The following ANKS1B variants were observed in gnomAD, a reference collection of about 807,000 sequenced individuals.
ANKS1B encodes ankyrin repeat and sterile alpha motif domain-containing protein 1B.
A neutral mutation model predicts 148.3 loss-of-function variants in ANKS1B; 36 were observed. That is an observed-to-expected ratio of 0.24 (90% CI 0.19 to 0.32). ANKS1B has a LOEUF of 0.32. Ranked by LOEUF, ANKS1B falls within the 10% of genes least tolerant of loss-of-function variation. ANKS1B has a pLI of 1.00. For missense variants in ANKS1B, 1,157 were observed against 1,542.6 expected, an observed-to-expected ratio of 0.75 and a Z score of 4.19; for synonymous variants, 542 against 560.8, an observed-to-expected ratio of 0.97 and a Z score of 0.47.
At chr12:98,822,971 T>G (rs2099211360) in intron 19 of ANKS1B, among the ~76,000 whole-genome samples, 1 of 152,246 alleles carries the variant, frequency 6.6e-6, no homozygotes, top group South Asian at 2.1e-4. Context: ...ATACTGGAAT[T>G]TCTAATCCCA....
intron 14 of ANKS1B, among the ~76,000 whole-genome samples, chr12:99,212,425 C>G (rs2083474850): frequency 6.6e-6 from 1 of 152,066 alleles, no homozygotes; most frequent in Non-Finnish European, 1.5e-5. Context: ...TGACTTTCCC[C>G]CTATGCAAAC....
In ANKS1B at chr12:99,464,960, C is replaced by T. The variant is rs186296094; in HGVS notation, c.1439-21151G>A. On this transcript the variant is annotated intron_variant, in intron 10 of 26. Transcript: ENST00000683438. ...CAGAGAACACCACAAAGATACTCCT[C>T]GAGAAGAGCAACTCCAAGACACATA... Among the ~76,000 whole-genome samples, 1,095 of 152,114 alleles carry T rather than the reference C, an allele frequency of 7.2e-3. 11 individuals are homozygous for T. Among genetic ancestry groups the T allele is most frequent in the African/African-American group, 0.025 (1,038 of 41,480 alleles).
At chr12:99,151,373 CA>C (rs1462793556) in intron 15 of ANKS1B, among the ~76,000 whole-genome samples, 1 of 151,856 alleles carries the variant, frequency 6.6e-6, no homozygotes, top group African/African-American at 2.4e-5. Flanking sequence ...ACTAAAATTA[CA>C]AAAATTAGCC....
At chr12:99,161,738 T>C (rs2076679239) in intron 14 of ANKS1B, among the ~76,000 whole-genome samples, 1 of 152,120 alleles carries the variant, frequency 6.6e-6, no homozygotes, top group Non-Finnish European at 1.5e-5. Context: ...TCAAATTTAA[T>C]TGGAGCAGAC....
intron 25 of ANKS1B, among the ~76,000 whole-genome samples, chr12:98,757,901 C>A (rs2098292850): frequency 6.9e-6 from 1 of 145,154 alleles, no homozygotes; most frequent in Non-Finnish European, 1.5e-5. Context: ...CAGAGACCAC[C>A]AGTGAAAGAG....
At chr12:98,741,127 G>A (rs758397091), downstream of ANKS1B, among the ~76,000 whole-genome samples, 1 of 152,148 alleles carries the variant, frequency 6.6e-6, no homozygotes, top group Non-Finnish European at 1.5e-5. Flanking sequence ...GTTATTGCTG[G>A]TCTTTGCTAC....
At chr12:99,217,131 A>T (rs2084331744) in intron 14 of ANKS1B, among the ~76,000 whole-genome samples, 1 of 152,028 alleles carries the variant, frequency 6.6e-6, no homozygotes, top group Non-Finnish European at 1.5e-5. Flanking sequence ...AGATAAGCAA[A>T]TTTTTATCTT....
chr12:99,827,329 C>T (rs923479344), intron 1 of ANKS1B, among the ~76,000 whole-genome samples: 1 of 149,274 alleles, frequency 6.7e-6, no homozygotes, highest in Non-Finnish European at 1.5e-5. Context: ...TGAAAATATA[C>T]GGAATCTGAA....
intron 10 of ANKS1B, among the ~76,000 whole-genome samples, chr12:99,467,500 T>C (rs1417745893): frequency 1.3e-5 from 2 of 152,162 alleles, no homozygotes; most frequent in African/African-American, 4.8e-5. Flanking sequence ...AGTCAAATTG[T>C]CCCTGTTCGC....
chr12:98,854,213 G>A (rs2099548991), intron 17 of ANKS1B, among the ~76,000 whole-genome samples: 1 of 152,212 alleles, frequency 6.6e-6, no homozygotes, highest in African/African-American at 2.4e-5. Flanking sequence ...TGTAGACCAG[G>A]AAAGTGTTTG....
chr12:98,915,024 T>C (rs1474039920), intron 17 of ANKS1B, among the ~76,000 whole-genome samples: 2 of 152,192 alleles, frequency 1.3e-5, no homozygotes, highest in African/African-American at 4.8e-5. Context: ...ATCCTCAGCA[T>C]CAGAATAAGG....
chr12:99,444,016 C>A (rs1338378821), intron 10 of ANKS1B, among the ~76,000 whole-genome samples: 3 of 151,806 alleles, frequency 2.0e-5, no homozygotes, highest in Admixed American at 6.6e-5. Context: ...AACTATCACC[C>A]CCTGGAATGT....
chr12:99,949,644 CAG>C (rs1942176490), intron 1 of ANKS1B, among the ~76,000 whole-genome samples: 1 of 152,148 alleles, frequency 6.6e-6, no homozygotes, highest in Non-Finnish European at 1.5e-5. Context: ...ACAAAAAAGA[CAG>C]CCAAGTCCAA....
intron 17 of ANKS1B, among the ~76,000 whole-genome samples, chr12:98,886,939 T>C (rs1031430909): frequency 3.9e-5 from 6 of 151,904 alleles, no homozygotes; most frequent in African/African-American, 1.2e-4. Context: ...AATCCATGGG[T>C]CTTTCTCGAA....
intron 14 of ANKS1B, among the ~76,000 whole-genome samples, chr12:99,209,060 C>T (rs1385926488): frequency 2.0e-5 from 3 of 152,136 alleles, no homozygotes; most frequent in Non-Finnish European, 2.9e-5. Flanking sequence ...ATTACTAAAG[C>T]ATTGACTGGG....
intron 1 of ANKS1B, among the ~76,000 whole-genome samples, chr12:99,861,249 CT>C (rs1350581562): frequency 3.9e-5 from 6 of 152,190 alleles, no homozygotes; most frequent in African/African-American, 9.7e-5. Flanking sequence ...CTCAAATTAA[CT>C]GTTAAATGTA....
chr12:98,955,862 G>C (rs1388843278), intron 17 of ANKS1B, among the ~76,000 whole-genome samples: 1 of 152,226 alleles, frequency 6.6e-6, no homozygotes, highest in Non-Finnish European at 1.5e-5. Context: ...GGAGGCAGTT[G>C]AATATTGGTG....
rs551094762 is a variant in ANKS1B at position 98,867,826 on chromosome 12, C to T, written c.2779-35690G>A. On this transcript the variant is annotated intron_variant, in intron 17 of 26. Coordinates refer to ENST00000683438, the MANE Select transcript of ANKS1B (RefSeq NM_001352186.2). ...GCAGTGAGCCGAGATCGCACCACTA[C>T]GCTCCAGCCTGGCAACAGAGCAAGA... 3.7e-4 allele frequency among the ~76,000 whole-genome samples: 56 copies of T among 151,118 alleles called. 1 individual carries two copies. The highest frequency in any genetic ancestry group is 1.3e-3 in the African/African-American group (52 of 41,048).
intron 9 of ANKS1B, among the ~76,000 whole-genome samples, chr12:99,545,975 C>T (rs1351504753): frequency 6.6e-6 from 1 of 151,824 alleles, no homozygotes; most frequent in East Asian, 1.9e-4. Context: ...GGAGAAGAAC[C>T]CCAAATTAGG....
Sources: gnomAD v4.1 joint callset for allele counts (sites outside exome capture counted in the v4.1 genomes callset) on GRCh38, gnomAD v4.1.1 for gene constraint, MANE v1.5 for transcripts, NCBI Gene and HGNC (gene_info 2026-07-23, HGNC 2026-07-21) for gene names.